Variants in OTC observed in about 807,000 individuals in gnomAD.
OTC encodes ornithine transcarbamylase, mitochondrial.
A neutral mutation model predicts 30.3 loss-of-function variants in OTC; 3 were observed. The observed-to-expected ratio is 0.10, with a 90% confidence interval of 0.05 to 0.26. The LOEUF is 0.26. Ranked by LOEUF, OTC falls within the 10% of genes least tolerant of loss-of-function variation. The pLI is 1.00. For missense variants in OTC, 194 were observed against 260.3 expected, an observed-to-expected ratio of 0.75 and a Z score of 1.75; for synonymous variants, 111 against 99.7, an observed-to-expected ratio of 1.11 and a Z score of -0.67.
chrX:38,371,600 A>G (rs975884571), intron 3 of OTC, among the ~76,000 whole-genome samples: 1 of 112,290 alleles, frequency 8.9e-6, no homozygotes, highest in African/African-American at 3.2e-5. Context: ...GATATCAAAA[A>G]GAAAGTTCAG....
rs1025760532 is a variant in OTC, at chrX:38,381,517, G to C, written c.386+88G>C. ...TAAAACATAATTCTCTTTAAATAAT[G>C]GTTTTCCCTCTAATTGTTCTGTTCT... On this transcript the variant is annotated intron_variant, in intron 4 of 9. Transcript: ENST00000039007. 6.2e-6 allele frequency: 4 copies of C among 644,604 alleles called. No homozygotes were observed. The Admixed American group carries it at 7.8e-5, about 13-fold the overall frequency. 53.1% of individuals were successfully genotyped at this position (644,604 alleles called of 1,213,427 possible).
intron 4 of OTC, among the ~76,000 whole-genome samples, chrX:38,382,003 A>G (rs888946724): frequency 8.9e-6 from 1 of 112,004 alleles, no homozygotes; most frequent in Non-Finnish European, 1.9e-5. Context: ...TTATTAATTT[A>G]TGTGGGTTAT....
rs577419642 is a variant in OTC at position 38,353,940 on chromosome X, G to A, written c.77+1167G>A. The stretch of plus-strand genomic sequence containing the variant: ...GAATGACTGTGGGGTTTACCAATTA[G>A]TGCCAGAGTTAGATCAGATAACAAC... On this transcript the variant is annotated intron_variant, in intron 1 of 9. Coordinates refer to ENST00000039007, the MANE Select transcript of OTC (RefSeq NM_000531.6). 1.4e-4 allele frequency among the ~76,000 whole-genome samples: 16 copies of A among 111,931 alleles called. No individual in the cohort carries two copies. The South Asian group carries it at 5.9e-3, about 41-fold the overall frequency.
the OTC span, among the ~76,000 whole-genome samples, chrX:38,345,515 A>G: frequency 2.5e-3 from 266 of 105,892 alleles, no homozygotes; most frequent in African/African-American, 8.5e-3. Context: ...AGAATTTTGT[A>G]GCCTCCAGCT....
At position 38,380,604 on chromosome X, in the gene OTC, AG is replaced by A. The variant is rs753443964; in HGVS notation, c.299-736del. On this transcript the variant is annotated intron_variant, in intron 3 of 9. Transcript: ENST00000039007. ...CAAAAAATAAATAAATAAAAATGAA[AG>A]GCTTGAAAATAAAAGAAAGTAAGCA... 7.4e-3 allele frequency among the ~76,000 whole-genome samples: 829 copies of A among 111,939 alleles called. 10 individuals are homozygous for A. Among genetic ancestry groups the A allele is most frequent in the African/African-American group, 0.026 (790 of 30,806 alleles).
intron 5 of OTC, among the ~76,000 whole-genome samples, chrX:38,401,767 T>C (rs771506342): frequency 1.8e-5 from 2 of 112,147 alleles, no homozygotes; most frequent in African/African-American, 3.2e-5. Flanking sequence ...TGTGATTCTA[T>C]AGACATCAGG....
intron 8 of OTC, among the ~76,000 whole-genome samples, chrX:38,411,030 TA>T (rs1453357691): frequency 1.1e-4 from 12 of 111,896 alleles, no homozygotes; most frequent in Admixed American, 1.0e-3. Flanking sequence ...AAACTGCTAG[TA>T]CATTTGCATT....
At chrX:38,354,241 G>A (rs1467013927) in intron 1 of OTC, among the ~76,000 whole-genome samples, 1 of 112,195 alleles carries the variant, frequency 8.9e-6, no homozygotes, top group Non-Finnish European at 1.9e-5. Context: ...TGAATTCATA[G>A]TCTAGTGATA....
intron 9 of OTC, among the ~76,000 whole-genome samples, chrX:38,413,079 A>T (rs913066308): frequency 8.9e-6 from 1 of 111,988 alleles, no homozygotes; most frequent in Non-Finnish European, 1.9e-5. Context: ...CCAAGTCTGG[A>T]GTAGATGCAG....
intron 4 of OTC, among the ~76,000 whole-genome samples, chrX:38,394,215 T>C (rs528836279): frequency 8.9e-6 from 1 of 112,781 alleles, no homozygotes; most frequent in South Asian, 3.6e-4. Context: ...ATATACACAA[T>C]GTATTTTTTA....
chrX:38,333,149 A>G, the OTC span, among the ~76,000 whole-genome samples: 2 of 100,160 alleles, frequency 2.0e-5, no homozygotes, highest in Admixed American at 2.2e-4. Flanking sequence ...CGGGAGGCGG[A>G]GGTTGGAGTG....
the OTC span, among the ~76,000 whole-genome samples, chrX:38,338,251 A>C: frequency 8.9e-6 from 1 of 112,126 alleles, no homozygotes; most frequent in Non-Finnish European, 1.9e-5. Flanking sequence ...CCATTAAGCT[A>C]TTTGTTATAA....
chrX:38,333,056 A>G, the OTC span, among the ~76,000 whole-genome samples: 2 of 109,721 alleles, frequency 1.8e-5, 1 homozygote, highest in African/African-American at 6.6e-5. Context: ...TCTACTAAAA[A>G]TACAAAAAAT....
At chrX:38,416,754 G>A (rs976494784) in intron 9 of OTC, among the ~76,000 whole-genome samples, 4 of 112,078 alleles carry the variant, frequency 3.6e-5, no homozygotes, top group Non-Finnish European at 5.6e-5. Context: ...TTATTTAACT[G>A]TTTGTCCGTG....
chrX:38,374,037 G>T (rs2068334259), intron 3 of OTC, among the ~76,000 whole-genome samples: 1 of 110,635 alleles, frequency 9.0e-6, no homozygotes, highest in Non-Finnish European at 1.9e-5. Context: ...GGTGGCGGGC[G>T]CCTGTAGTCC....
the OTC span, among the ~76,000 whole-genome samples, chrX:38,335,195 A>G: frequency 8.9e-6 from 1 of 111,952 alleles, no homozygotes; most frequent in Non-Finnish European, 1.9e-5. Flanking sequence ...AGGCTTTATC[A>G]CTTACTACTT....
intron 4 of OTC, among the ~76,000 whole-genome samples, chrX:38,401,024 G>C (rs1490395395): frequency 8.9e-6 from 1 of 112,092 alleles, no homozygotes; most frequent in East Asian, 2.8e-4. Flanking sequence ...CATTATGTCT[G>C]CTGGGCCCAC....
intron 4 of OTC, among the ~76,000 whole-genome samples, chrX:38,397,224 A>T (rs900540517): frequency 4.5e-5 from 5 of 111,863 alleles, no homozygotes; most frequent in Admixed American, 9.5e-5. Flanking sequence ...TCTTATGTAC[A>T]TCATGTCCCT....
intron 1 of OTC, among the ~76,000 whole-genome samples, chrX:38,365,662 C>G (rs2068292042): frequency 8.9e-6 from 1 of 112,389 alleles, no homozygotes; most frequent in Non-Finnish European, 1.9e-5. Flanking sequence ...TCAAGCCCAA[C>G]AAAATGGCTC....
Sources: gnomAD v4.1 joint callset for allele counts (sites outside exome capture counted in the v4.1 genomes callset) on GRCh38, gnomAD v4.1.1 for gene constraint, MANE v1.5 for transcripts, NCBI Gene and HGNC (gene_info 2026-07-23, HGNC 2026-07-21) for gene names.